The following CACNA1A variants were observed in gnomAD, a reference collection of about 807,000 sequenced individuals.
CACNA1A encodes calcium voltage-gated channel subunit alpha1 A.
Under a neutral mutation model 262.4 loss-of-function variants are expected in CACNA1A, and 57 were observed. That is an observed-to-expected ratio of 0.22 (90% confidence interval 0.18 to 0.27). The LOEUF (loss-of-function observed/expected upper bound fraction) is 0.27, where lower values mean the gene tolerates loss of function less well. CACNA1A is among the 10% of genes least tolerant of loss of function. CACNA1A has a pLI of 1.00. For missense variants in CACNA1A, 2,526 were observed against 3,562.8 expected, an observed-to-expected ratio of 0.71 and a Z score of 7.41; for synonymous variants, 1,431 against 1,419.3, an observed-to-expected ratio of 1.01 and a Z score of -0.18.
intron 1 of CACNA1A, among the ~76,000 whole-genome samples, chr19:13,466,811 C>G (rs2061251320): frequency 6.6e-6 from 1 of 152,022 alleles, no homozygotes; most frequent in South Asian, 2.1e-4. Context: ...TCTGAGCCCT[C>G]AACCATTTAG....
chr19:13,307,069 C>T (rs2057919048), intron 15 of CACNA1A, among the ~76,000 whole-genome samples: 1 of 151,854 alleles, frequency 6.6e-6, no homozygotes, highest in Admixed American at 6.6e-5. Flanking sequence ...CTCAAGCAAT[C>T]CTTCCACTTC....
chr19:13,398,763 T>G (rs1478198348), intron 3 of CACNA1A, among the ~76,000 whole-genome samples: 1 of 152,222 alleles, frequency 6.6e-6, no homozygotes, highest in Non-Finnish European at 1.5e-5. Flanking sequence ...GGATTCAACG[T>G]GATCATTCAT....
chr19:13,417,033 A>G (rs993837390), intron 3 of CACNA1A, among the ~76,000 whole-genome samples: 1 of 152,164 alleles, frequency 6.6e-6, no homozygotes, highest in African/African-American at 2.4e-5. Context: ...GTACAGCTCA[A>G]AGAATGTTTC....
intron 3 of CACNA1A, among the ~76,000 whole-genome samples, chr19:13,405,542 T>C (rs910322350): frequency 1.3e-5 from 2 of 152,028 alleles, no homozygotes; most frequent in African/African-American, 2.4e-5. Context: ...TTATCAACAG[T>C]CTGTAATATT....
chr19:13,209,004 C>T lies in CACNA1A; in HGVS notation c.6532G>A (p.Gly2178Arg), dbSNP rs953871050. 1.3e-5 allele frequency: 20 copies of T among 1,537,040 alleles called. No individual in the cohort carries two copies. The highest frequency in any genetic ancestry group is 1.7e-5 in the Non-Finnish European group (19 of 1,146,912). ...TGGGTGGTCATGCTCAGGTCTGTCC[C>T]CAAGCCTGGGCCGGGTGAGGGTCAG... The part of the protein sequence containing the change: ...GRYTDVDTGL[G>R]TDLSMTTQSG... The change falls in exon 46 of 47, where the codon GGG (glycine) becomes AGG (arginine). Residue 2178 changes from glycine to arginine, a missense_variant. By Grantham distance (125) the Gly-to-Arg change is moderately radical. This residue lies in a region of CACNA1A where 929 missense variants were observed against 868.1 expected (regional missense o/e 1.07). Transcript: ENST00000360228.
At chr19:13,302,602 C>T (rs1426276076) in intron 17 of CACNA1A, among the ~76,000 whole-genome samples, 2 of 152,244 alleles carry the variant, frequency 1.3e-5, no homozygotes, top group Admixed American at 6.5e-5. Context: ...GATAAACGAA[C>T]TGGCCTTTCT....
intron 11 of CACNA1A, 94 bp downstream of exon 11, chr19:13,317,018 A>G (rs1296260866): frequency 2.6e-6 from 2 of 776,656 alleles, no homozygotes; most frequent in Non-Finnish European, 4.2e-6. Flanking sequence ...TGAGGACCAA[A>G]GAAGATACAC....
Position 13,212,390 on chromosome 19 carries a change from G to C in CACNA1A, c.6183C>G (p.Asn2061Lys). ...PPTDMPNSQP[N>K]SQSVEMREMG... is the part of the protein sequence containing the mutation. Reference sequence around the variant, plus strand: ...AGTTGGGGGACAGAGGCACCTGAGAGTTAGGCTGGCTGTTGGGCATGTCGG... The same window carrying C: ...AGTTGGGGGACAGAGGCACCTGAGACTTAGGCTGGCTGTTGGGCATGTCGG... The change falls in exon 42 of 47, where the codon AAC becomes AAG. Residue 2061 changes from asparagine (N) to lysine (K), a missense_variant. Physicochemically the swap from Asn to Lys is moderately conservative, Grantham distance 94 (BLOSUM62 0). Coordinates refer to ENST00000360228, the MANE Select transcript of CACNA1A (RefSeq NM_001127222.2). This position sits in a 1 kb window ranked among gnomAD's most constrained non-coding sequence, Gnocchi z 5.6. The C allele has an allele frequency of 6.2e-7, 1 of 1,613,716 alleles. No homozygotes were observed. The highest frequency in any genetic ancestry group is 2.2e-5 in the East Asian group (1 of 44,880).
In CACNA1A at chr19:13,241,503, G is replaced by T; in HGVS notation, c.4950+3679C>A. The T allele has an allele frequency of 7.9e-7, 1 of 1,273,342 alleles. No homozygotes were observed. Among genetic ancestry groups the T allele is most frequent in the South Asian group, 1.2e-5 (1 of 81,528 alleles). The allele number at this position is 1,273,342 out of a possible 1,614,324, so 78.9% of individuals were successfully genotyped here. ...GTTAATGTAAGGCATTTAGACTTCAGAAAGAAGTAAGACCAACCGGATTCT... is the reference window on the plus strand; with the variant it reads ...GTTAATGTAAGGCATTTAGACTTCATAAAGAAGTAAGACCAACCGGATTCT... On this transcript the variant is annotated intron_variant, in intron 31 of 46. Transcript: ENST00000360228. This position sits in a 1 kb window ranked among gnomAD's most constrained non-coding sequence, Gnocchi z 4.0.
chr19:13,293,080 T>C (rs1204930566), intron 19 of CACNA1A, among the ~76,000 whole-genome samples: 4 of 152,160 alleles, frequency 2.6e-5, no homozygotes, highest in Admixed American at 2.0e-4. Context: ...GAACCATCTG[T>C]GGGATTTGGG....
Position 13,228,758 on chromosome 19 carries a change from G to C in CACNA1A, c.5529-1231C>G, listed in dbSNP as rs1296262946. ...AAGCCGAGAGGGGGAGATATTACTC[G>C]TAATAAACTGTACATATCCTTATAA... On this transcript the variant is annotated intron_variant, in intron 36 of 46. Transcript: ENST00000360228. 1 of 1,600,514 alleles carries C rather than the reference G, an allele frequency of 6.2e-7. No individual in the cohort carries two copies. Among genetic ancestry groups the C allele is most frequent in the South Asian group, 1.1e-5 (1 of 88,976 alleles).
intron 5 of CACNA1A, among the ~76,000 whole-genome samples, chr19:13,360,265 G>GTATATATATATATATATATCTATATATA (rs2059081244): frequency 8.1e-6 from 1 of 124,202 alleles, no homozygotes; most frequent in Non-Finnish European, 1.7e-5. Context: ...GTGTGTGTGT[G>GTATATATATATATATATATCTATATATA]TATATATATA....
At chr19:13,504,188 A>C (rs1982736855) in intron 1 of CACNA1A, among the ~76,000 whole-genome samples, 1 of 151,836 alleles carries the variant, frequency 6.6e-6, no homozygotes, top group Non-Finnish European at 1.5e-5. Context: ...CCCACTCCTC[A>C]CTCTGTTGAT....
At chr19:13,453,311 G>T (rs2060949511) in intron 2 of CACNA1A, among the ~76,000 whole-genome samples, 1 of 152,080 alleles carries the variant, frequency 6.6e-6, no homozygotes, top group African/African-American at 2.4e-5. Context: ...ACAGTCACAG[G>T]CCACATGTGG....
At chr19:13,299,594 C>G (rs1016623038) in intron 18 of CACNA1A, among the ~76,000 whole-genome samples, 1 of 152,172 alleles carries the variant, frequency 6.6e-6, no homozygotes, top group Non-Finnish European at 1.5e-5. Context: ...ACCCAGAAGG[C>G]CCTGTGTAAT....
chr19:13,440,243 C>A (rs528573173), intron 3 of CACNA1A, among the ~76,000 whole-genome samples: 1 of 152,196 alleles, frequency 6.6e-6, no homozygotes, highest in Non-Finnish European at 1.5e-5. Context: ...GGATTACAGG[C>A]GTGAGCCACT....
intron 19 of CACNA1A, among the ~76,000 whole-genome samples, chr19:13,288,610 C>T (rs1350462851): frequency 6.6e-6 from 1 of 152,110 alleles, no homozygotes; most frequent in Non-Finnish European, 1.5e-5. Context: ...AGAGATCCCA[C>T]AGCCTCAAAC....
chr19:13,458,777 G>A (rs1362093783), intron 1 of CACNA1A, among the ~76,000 whole-genome samples: 3 of 152,188 alleles, frequency 2.0e-5, no homozygotes, highest in African/African-American at 7.2e-5. Context: ...GCTGGTAAAT[G>A]GGAATGTCCG....
At chr19:13,224,596 T>C in intron 38 of CACNA1A, 71 bp downstream of exon 38, 1 of 980,650 alleles carries the variant, frequency 1.0e-6, no homozygotes, top group Non-Finnish European at 1.6e-6. Context: ...TCCTCTAGTT[T>C]GGGGTAGGGA....
Sources: allele counts gnomAD v4.1 joint callset (sites outside exome capture counted in the v4.1 genomes callset), GRCh38; gene constraint gnomAD v4.1.1; regional missense constraint gnomAD v4.1.1; non-coding constraint Gnocchi (gnomAD v3.1); transcripts MANE v1.5; gene names NCBI Gene and HGNC (gene_info 2026-07-23, HGNC 2026-07-21).